Variants in CCDC180 observed in about 807,000 individuals in gnomAD.
CCDC180 encodes the protein coiled-coil domain containing 180.
A neutral mutation model predicts 209.2 loss-of-function variants in CCDC180; 154 were observed. That is an observed-to-expected ratio of 0.74 (90% CI 0.65 to 0.84). The LOEUF is 0.84. Among genes scored for constraint, CCDC180 ranks in the 40% least tolerant of loss-of-function variants. CCDC180 has a pLI of 0.00. For missense variants in CCDC180, 1,874 were observed against 1,997.3 expected (o/e 0.94, Z 1.18); for synonymous variants, 778 against 749.1 (o/e 1.04, Z -0.63).
intron 25 of CCDC180, chr9:97,357,994 T>G: frequency 2.9e-6 from 1 of 340,660 alleles, no homozygotes; most frequent in Non-Finnish European, 5.3e-6. Context: ...TGGCTTCCTC[T>G]GACCTCACTC....
chr9:97,308,078 G>T lies in CCDC180; in HGVS notation c.15G>T (p.Gly5=). The change falls in exon 2 of 37, where the codon GGG becomes GGT. Residue 5 remains glycine, a synonymous_variant. Coordinates refer to ENST00000529487, the MANE Select transcript of CCDC180 (RefSeq NM_020893.6). ...CAGCGGCCAAGATGTCGTCAGTGGG[G>T]AAGGTGACCCAGGTTCCGAATGGGA... MSSV[G]KVTQVPNGKA... is the part of the protein sequence containing the mutation. The T allele has an allele frequency of 6.2e-7, 1 of 1,613,508 alleles. No individual in the cohort carries two copies. The highest frequency in any genetic ancestry group is 1.3e-5 in the African/African-American group (1 of 75,028).
chr9:97,314,839 T>C lies in CCDC180; in HGVS notation c.700-12T>C. On this transcript the variant is annotated splice_polypyrimidine_tract_variant and intron_variant, in intron 7 of 36. Transcript: ENST00000529487. ...AAGTGAGCCACTAAGTATGGTGCCT[T>C]GTCATTTCTAGCTAAAAAGCGTGTT... The C allele has an allele frequency of 6.2e-7, 1 of 1,612,058 alleles. No individual in the cohort carries two copies. The highest frequency in any genetic ancestry group is 1.7e-4 in the Middle Eastern group (1 of 6,056).
At position 97,313,442 on chromosome 9, in the gene CCDC180, G is replaced by A. The variant is rs548073799; in HGVS notation, c.459+97G>A. ...CCTTCCTCCCCCTCTCCAGCAGAGA[G>A]GTCCTCAGGGGCTCACAGAGCCTTA... On this transcript the variant is annotated intron_variant, in intron 5 of 36. Coordinates refer to ENST00000529487, the MANE Select transcript of CCDC180 (RefSeq NM_020893.6). 1.0e-5 allele frequency: 8 copies of A among 777,594 alleles called. No homozygotes were observed. In the South Asian group the frequency reaches 1.2e-4, roughly 12 times the overall value. 48.2% of individuals were successfully genotyped at this position (777,594 alleles called of 1,614,324 possible). A position where few individuals can be genotyped will look rare whatever the true frequency, so the allele number is the denominator to read the frequency against.
At chr9:97,356,112 A>G (rs1564170339) in intron 24 of CCDC180, among the ~76,000 whole-genome samples, 1 of 152,136 alleles carries the variant, frequency 6.6e-6, no homozygotes, top group Non-Finnish European at 1.5e-5. Flanking sequence ...CCTGGGCACA[A>G]TGTCAGCAGG....
At chr9:97,337,403 T>C (rs1435305434) in intron 18 of CCDC180, among the ~76,000 whole-genome samples, 1 of 152,242 alleles carries the variant, frequency 6.6e-6, no homozygotes, top group Non-Finnish European at 1.5e-5. Context: ...AGGCCTTTTC[T>C]GCATCTATTG....
intron 20 of CCDC180, among the ~76,000 whole-genome samples, chr9:97,348,333 A>T (rs1004034741): frequency 6.6e-6 from 1 of 152,202 alleles, no homozygotes; most frequent in African/African-American, 2.4e-5. Context: ...CTTGTGTGGC[A>T]TTTGGAACCT....
Position 97,348,122 on chromosome 9 carries a change from G to C in CCDC180, c.2674+633G>C, listed in dbSNP as rs78114535. Among the ~76,000 whole-genome samples the C allele has an allele frequency of 2.4e-4, 5 of 20,746 alleles. No homozygotes were observed. In the African/African-American group the frequency reaches 2.4e-3, roughly 10 times the overall value. 13.6% of individuals were successfully genotyped at this position (20,746 alleles called of 152,430 possible). A position where few individuals can be genotyped will look rare whatever the true frequency, so the allele number is the denominator to read the frequency against. ...GGTGGACTCTGTTAATGCGGGGCGG[G>C]GGGGGGGCATGTTTTCAGTAGGATC... On this transcript the variant is annotated intron_variant, in intron 20 of 36. Coordinates refer to ENST00000529487, the MANE Select transcript of CCDC180 (RefSeq NM_020893.6).
At chr9:97,343,734 G>A in intron 19 of CCDC180, 171 bp downstream of exon 19, 1 of 602,654 alleles carries the variant, frequency 1.7e-6, no homozygotes. Flanking sequence ...CAAAATCCAG[G>A]AATTATTTGC....
chr9:97,341,234 C>G (rs1826068263), intron 18 of CCDC180, among the ~76,000 whole-genome samples: 1 of 152,008 alleles, frequency 6.6e-6, no homozygotes, highest in Non-Finnish European at 1.5e-5. Context: ...AGGGCCACTA[C>G]CGGTCTCTGC....
chr9:97,375,624 C>T, intron 36 of CCDC180, 35 bp downstream of exon 36: 1 of 1,613,174 alleles, frequency 6.2e-7, no homozygotes, highest in South Asian at 1.1e-5. Context: ...TCCCAGGGAG[C>T]ACAGCTCAGG....
chr9:97,360,399 C>T (rs1360078266), intron 26 of CCDC180, among the ~76,000 whole-genome samples: 1 of 152,104 alleles, frequency 6.6e-6, no homozygotes, highest in Non-Finnish European at 1.5e-5. Flanking sequence ...AAGCCAGTCC[C>T]ACCTCTCAGC....
intron 22 of CCDC180, 140 bp downstream of exon 22, chr9:97,350,695 G>T (rs117886450): frequency 0.015 from 13,336 of 904,114 alleles, 126 homozygotes; most frequent in Non-Finnish European, 0.018. Context: ...TAGGTGCACA[G>T]ATCAGTGGCA....
chr9:97,370,763 C>T lies in CCDC180; in HGVS notation c.4473C>T (p.Asn1491=), dbSNP rs371291255. Residue 1491 remains asparagine (N), a synonymous_variant, in exon 33 of 37, where the codon AAC becomes AAT. Coordinates refer to ENST00000529487, the MANE Select transcript of CCDC180 (RefSeq NM_020893.6). ...AGCTGGACAGCATGATTAGGATGAACAAGGAGAAGCTGGAGGTCAGTGATA... is the reference window on the plus strand; with the variant it reads ...AGCTGGACAGCATGATTAGGATGAATAAGGAGAAGCTGGAGGTCAGTGATA... ...QEELDSMIRM[N]KEKLEECTRR... 6.2e-7 allele frequency: 1 copy of T among 1,613,850 alleles called. No individual in the cohort carries two copies. Among genetic ancestry groups the T allele is most frequent in the Non-Finnish European group, 8.5e-7 (1 of 1,179,934 alleles).
chr9:97,344,281 C>A (rs1826183040), intron 19 of CCDC180, among the ~76,000 whole-genome samples: 2 of 152,188 alleles, frequency 1.3e-5, no homozygotes, highest in African/African-American at 4.8e-5. Flanking sequence ...GGTTCATTCA[C>A]CTCCTGTATG....
intron 19 of CCDC180, among the ~76,000 whole-genome samples, chr9:97,346,135 C>T (rs527290229): frequency 6.6e-6 from 1 of 152,238 alleles, no homozygotes; most frequent in African/African-American, 2.4e-5. Context: ...CTCTCCTCTC[C>T]CCCACTGCTC....
At chr9:97,333,209 A>C (rs1825800014) in intron 18 of CCDC180, among the ~76,000 whole-genome samples, 1 of 152,214 alleles carries the variant, frequency 6.6e-6, no homozygotes, top group African/African-American at 2.4e-5. Flanking sequence ...CATCCCAGGG[A>C]TAAAGCCTAC....
At chr9:97,308,774 T>G (rs1286081111) in intron 2 of CCDC180, among the ~76,000 whole-genome samples, 1 of 152,224 alleles carries the variant, frequency 6.6e-6, no homozygotes, top group Non-Finnish European at 1.5e-5. Context: ...TAATTATCTG[T>G]AAAACCTCTG....
In CCDC180 at chr9:97,378,434, C is replaced by G. The variant is rs1346214835; in HGVS notation, c.*1540C>G. 2.0e-5 allele frequency: 3 copies of G among 152,228 alleles called. No individual in the cohort carries two copies. The highest frequency in any genetic ancestry group is 4.4e-5 in the Non-Finnish European group (3 of 68,044). The allele number at this position is 152,228 out of a possible 1,614,324, so 9.4% of individuals were successfully genotyped here. A position where few individuals can be genotyped will look rare whatever the true frequency, so the allele number is the denominator to read the frequency against. ...ACTGTATAAACATGTTCTAAACACA[C>G]GGTCCTTGCACACATACACAACTTG... On this transcript the variant is annotated 3_prime_UTR_variant, in exon 37 of 37. Transcript: ENST00000529487.
intron 14 of CCDC180, among the ~76,000 whole-genome samples, chr9:97,325,657 CCTTT>C (rs545301354): frequency 1.2e-4 from 19 of 152,174 alleles, no homozygotes; most frequent in Non-Finnish European, 2.5e-4. Context: ...TTCAGGTGTG[CCTTT>C]CTATGTGCGG....
Sources: gnomAD v4.1 joint callset for allele counts (sites outside exome capture counted in the v4.1 genomes callset) on GRCh38, gnomAD v4.1.1 for gene constraint, MANE v1.5 for transcripts, NCBI Gene and HGNC (gene_info 2026-07-23, HGNC 2026-07-21) for gene names.